Variants in C1D observed in about 807,000 individuals in gnomAD.
C1D encodes the protein nuclear nucleic acid-binding protein C1D.
A neutral mutation model predicts 17.5 loss-of-function variants in C1D; 10 were observed. The ratio of observed to expected loss-of-function variants is 0.57; its 90% CI spans 0.35 to 0.97. C1D has a LOEUF of 0.97. Among genes scored for constraint, C1D ranks in the 50% least tolerant of loss-of-function variants. C1D has a pLI of 0.01. For missense variants in C1D, 136 were observed against 160.1 expected, an observed-to-expected ratio of 0.85 and a Z score of 0.81; for synonymous variants, 49 against 54.0, an observed-to-expected ratio of 0.91 and a Z score of 0.40.
At chr2:68,043,866 C>T (rs990220830) in intron 4 of C1D, among the ~76,000 whole-genome samples, 1 of 152,214 alleles carries the variant, frequency 6.6e-6, no homozygotes, top group African/African-American at 2.4e-5. Flanking sequence ...CTGCTCCACA[C>T]TCTCTAGTGA....
At chr2:68,053,657 C>G (rs866332378) in intron 1 of C1D, among the ~76,000 whole-genome samples, 6 of 152,202 alleles carry the variant, frequency 3.9e-5, no homozygotes, top group African/African-American at 1.4e-4. Context: ...GAAGACAGTT[C>G]CAAACCCCTC....
chr2:68,050,538 G>A (rs1333840114), intron 1 of C1D, among the ~76,000 whole-genome samples: 4 of 152,114 alleles, frequency 2.6e-5, no homozygotes, highest in Non-Finnish European at 4.4e-5. Context: ...TTCTCCTTGA[G>A]TGACACTGTT....
chr2:68,059,095 T>C lies in C1D; in HGVS notation c.-10+3863A>G, dbSNP rs1013816032. ...AGTTCTGCAGGCTACACAAGAAGCA[T>C]AGTGTCAGCATCTGCTTTTGGTGAG... On this transcript the variant is annotated intron_variant, in intron 1 of 4. Transcript: ENST00000410067. Among the ~76,000 whole-genome samples the C allele has an allele frequency of 9.9e-5, 15 of 152,266 alleles. No individual in the cohort carries two copies. In the East Asian group the frequency reaches 1.9e-3, roughly 20 times the overall value.
At chr2:68,055,550 C>T (rs938546936) in intron 1 of C1D, among the ~76,000 whole-genome samples, 3 of 151,558 alleles carry the variant, frequency 2.0e-5, no homozygotes, top group African/African-American at 7.3e-5. Flanking sequence ...ATGAAATACA[C>T]AGACCTTGTT....
intron 1 of C1D, among the ~76,000 whole-genome samples, chr2:68,059,555 C>A (rs1671560156): frequency 6.6e-6 from 1 of 152,198 alleles, no homozygotes; most frequent in Non-Finnish European, 1.5e-5. Flanking sequence ...TGGTGTGCAA[C>A]TATCTGCTTG....
At position 68,043,005 on chromosome 2, in the gene C1D, T is replaced by C. The variant is rs1479959176; in HGVS notation, c.310A>G (p.Lys104Glu). Residue 104 changes from lysine (K) to glutamate (E), a missense_variant, in exon 5 of 5, where the codon AAA becomes GAA. By Grantham distance (56) the Lys-to-Glu change is moderately conservative (BLOSUM62 1). Coordinates refer to ENST00000410067, the MANE Select transcript of C1D (RefSeq NM_173177.3). ...CCTCTGTCCAGCTTGCCAGCCTTTT[T>C]CTTGTCTGTTATTTCCTTGACTCTG... is the stretch of plus-strand genomic sequence containing the variant. Reference protein sequence around the residue: ...MNRVKEITDKKKAGKLDRGAA... With the variant: ...MNRVKEITDKEKAGKLDRGAA... The C allele has an allele frequency of 1.2e-6, 2 of 1,611,310 alleles. No homozygotes were observed. Among genetic ancestry groups the C allele is most frequent in the Non-Finnish European group, 8.5e-7 (1 of 1,178,606 alleles).
At position 68,047,288 on chromosome 2, in the gene C1D, T is replaced by C; in HGVS notation, c.23A>G (p.Glu8Gly). 6.2e-7 allele frequency: 1 copy of C among 1,610,062 alleles called. No homozygotes were observed. The highest frequency in any genetic ancestry group is 8.5e-7 in the Non-Finnish European group (1 of 1,178,524). The change falls in exon 2 of 5, where the codon GAA (glutamate) becomes GGA (glycine). Residue 8 changes from glutamate to glycine, a missense_variant. Glu to Gly is a moderately conservative substitution (Grantham distance 98). Transcript: ENST00000410067. ...CTCGTGAATTTCTACTGGATAGTCTTCATTAATTTCTTCACCTGCCATTAT... is the reference window on the plus strand; with the variant it reads ...CTCGTGAATTTCTACTGGATAGTCTCCATTAATTTCTTCACCTGCCATTAT... MAGEEINEDYPVEIHEYL... is the reference protein window; with the variant it reads MAGEEINGDYPVEIHEYL...
At chr2:68,047,083 G>T in intron 2 of C1D, 90 bp downstream of exon 2, 1 of 1,189,676 alleles carries the variant, frequency 8.4e-7, no homozygotes, top group Non-Finnish European at 1.2e-6. Context: ...AGGGGCATAG[G>T]TCATTAATCT....
intron 3 of C1D, 111 bp downstream of exon 3, chr2:68,046,233 A>T (rs1348149647): frequency 1.1e-6 from 1 of 903,376 alleles, no homozygotes; most frequent in African/African-American, 1.7e-5. Context: ...AGTATCTATT[A>T]AAAGTGTTAT....
intron 1 of C1D, among the ~76,000 whole-genome samples, chr2:68,054,075 C>T (rs141256761): frequency 6.6e-6 from 1 of 152,248 alleles, no homozygotes; most frequent in East Asian, 1.9e-4. Flanking sequence ...ATGTTGTATC[C>T]CCAGTGGCTG....
chr2:68,061,193 C>T (rs2103820779), intron 1 of C1D, among the ~76,000 whole-genome samples: 1 of 152,280 alleles, frequency 6.6e-6, no homozygotes, highest in East Asian at 1.9e-4. Context: ...ACTGTAATGA[C>T]TTTTTCGCAC....
intron 1 of C1D, chr2:68,053,031 T>A (rs1671333678): frequency 6.5e-7 from 1 of 1,547,566 alleles, no homozygotes; most frequent in Admixed American, 2.0e-5. Context: ...GTTGTACATG[T>A]TAAAATTTCC....
chr2:68,052,480 AT>A (rs564232615), intron 1 of C1D, among the ~76,000 whole-genome samples: 650 of 152,280 alleles, frequency 4.3e-3, no homozygotes, highest in African/African-American at 0.015. Context: ...TTAAATGTGA[AT>A]TTTTTCATCA....
intron 4 of C1D, among the ~76,000 whole-genome samples, chr2:68,045,205 A>G (rs1671085879): frequency 6.6e-6 from 1 of 152,220 alleles, no homozygotes; most frequent in African/African-American, 2.4e-5. Flanking sequence ...ATACATATCA[A>G]CTACCCTAAA....
intron 1 of C1D, among the ~76,000 whole-genome samples, chr2:68,055,378 A>C (rs1257222685): frequency 6.6e-6 from 1 of 152,228 alleles, no homozygotes; most frequent in East Asian, 1.9e-4. Context: ...ATAGAGGAAC[A>C]AATTAACACC....
chr2:68,055,842 T>C (rs1476157676), intron 1 of C1D, among the ~76,000 whole-genome samples: 1 of 152,244 alleles, frequency 6.6e-6, no homozygotes, highest in Non-Finnish European at 1.5e-5. Flanking sequence ...GTACATTATT[T>C]CTATAGTGAA....
intron 1 of C1D, 50 bp from the exon 2 acceptor site, chr2:68,047,369 T>C (rs1265585327): frequency 6.8e-7 from 1 of 1,472,272 alleles, no homozygotes; most frequent in Non-Finnish European, 9.1e-7. Flanking sequence ...GAGCTTGTTC[T>C]TTAGTTTCCA....
chr2:68,047,006 GTTTTC>G (rs1345215555), intron 2 of C1D, among the ~76,000 whole-genome samples, 162 bp downstream of exon 2: 2 of 151,962 alleles, frequency 1.3e-5, no homozygotes, highest in African/African-American at 2.4e-5. Context: ...TAAGGCTGGA[GTTTTC>G]TTTTGTTTTG....
chr2:68,044,458 C>G (rs1321869669), intron 4 of C1D, among the ~76,000 whole-genome samples: 2 of 152,238 alleles, frequency 1.3e-5, no homozygotes, highest in East Asian at 1.9e-4. Flanking sequence ...TCTGTAATCC[C>G]AGCACTTCGG....
Sources: allele counts gnomAD v4.1 joint callset (sites outside exome capture counted in the v4.1 genomes callset), GRCh38; gene constraint gnomAD v4.1.1; transcripts MANE v1.5; gene names NCBI Gene and HGNC (gene_info 2026-07-23, HGNC 2026-07-21).